The following LZTS1 variants were observed in gnomAD, a reference collection of about 807,000 sequenced individuals.
LZTS1 encodes leucine zipper tumor suppressor 1.
Under a neutral mutation model 45.8 loss-of-function variants are expected in LZTS1, and 31 were observed. The observed-to-expected ratio is 0.68, with a 90% CI of 0.51 to 0.91. The LOEUF (loss-of-function observed/expected upper bound fraction) is 0.91. LZTS1 is among the 40% of genes least tolerant of loss of function. LZTS1 has a pLI of 0.00. For missense variants in LZTS1, 821 were observed against 788.9 expected (o/e 1.04, Z -0.49); for synonymous variants, 359 against 357.3 (o/e 1.00, Z -0.05).
intron 1 of LZTS1, among the ~76,000 whole-genome samples, chr8:20,274,447 T>A (rs917172437): frequency 5.9e-5 from 9 of 152,116 alleles, no homozygotes; most frequent in Non-Finnish European, 1.3e-4. Flanking sequence ...ATAGCGGCAA[T>A]CATCTCCATC....
chr8:20,264,970 TTGTC>T (rs1208566783), intron 1 of LZTS1, among the ~76,000 whole-genome samples: 5 of 152,072 alleles, frequency 3.3e-5, no homozygotes, highest in African/African-American at 1.2e-4. Flanking sequence ...GTGTGTCAGT[TTGTC>T]TGATACAAAT....
At chr8:20,287,003 A>G (rs1446269871) in intron 1 of LZTS1, among the ~76,000 whole-genome samples, 1 of 152,216 alleles carries the variant, frequency 6.6e-6, no homozygotes, top group African/African-American at 2.4e-5. Context: ...GCTTCTATGT[A>G]TATGAAAAAT....
At chr8:20,270,272 C>T (rs1014525729) in intron 1 of LZTS1, among the ~76,000 whole-genome samples, 2 of 152,270 alleles carry the variant, frequency 1.3e-5, no homozygotes, top group Admixed American at 6.5e-5. Context: ...TTACATCGTT[C>T]TTCCACAACA....
intron 1 of LZTS1, among the ~76,000 whole-genome samples, chr8:20,266,799 A>T (rs571082644): frequency 1.3e-5 from 2 of 152,160 alleles, no homozygotes; most frequent in Non-Finnish European, 2.9e-5. Flanking sequence ...TTTCTTTTGT[A>T]GGAAAGGAGG....
intron 1 of LZTS1, among the ~76,000 whole-genome samples, chr8:20,287,090 TAA>T (rs1227153460): frequency 6.6e-6 from 1 of 152,246 alleles, no homozygotes; most frequent in Non-Finnish European, 1.5e-5. Flanking sequence ...ACATTGATTT[TAA>T]AAGATTATCA....
chr8:20,279,171 G>C (rs7817888), intron 1 of LZTS1, among the ~76,000 whole-genome samples: 5,227 of 152,268 alleles, frequency 0.034, 290 homozygotes, highest in African/African-American at 0.12. Context: ...TTTCTTTGCT[G>C]CCTTGTCTGT....
chr8:20,264,435 A>G (rs2128894879), intron 1 of LZTS1, among the ~76,000 whole-genome samples: 1 of 152,328 alleles, frequency 6.6e-6, no homozygotes, highest in East Asian at 1.9e-4. Flanking sequence ...ACTGTGCAGG[A>G]GAGACGACAT....
intron 3 of LZTS1, among the ~76,000 whole-genome samples, chr8:20,251,189 T>G (rs533362767): frequency 1.0e-4 from 15 of 143,376 alleles, no homozygotes; most frequent in African/African-American, 3.8e-4. Context: ...TCCCAACAGT[T>G]TAATCACTAT....
In LZTS1 at chr8:20,253,256, C is replaced by G; in HGVS notation, c.675G>C (p.Met225Ile). 1 of 1,614,130 alleles carries G rather than the reference C, an allele frequency of 6.2e-7. No homozygotes were observed. The highest frequency in any genetic ancestry group is 8.5e-7 in the Non-Finnish European group (1 of 1,180,042). ...QGIVLQDSNM[M>I]SLKALSFSDG... ...CGGAGAAGGACAGAGCCTTCAGGCTCATCATGTTGCTGTCCTGGAGGACGA... is the reference window on the plus strand; with the variant it reads ...CGGAGAAGGACAGAGCCTTCAGGCTGATCATGTTGCTGTCCTGGAGGACGA... Residue 225 changes from methionine to isoleucine, a missense_variant, in exon 3 of 4, where the codon ATG becomes ATC. Physicochemically the swap from Met to Ile is conservative, Grantham distance 10 (BLOSUM62 1). Coordinates refer to ENST00000381569, the MANE Select transcript of LZTS1 (RefSeq NM_021020.5).
At chr8:20,250,987 T>C (rs933338878) in intron 3 of LZTS1, among the ~76,000 whole-genome samples, 15 of 150,938 alleles carry the variant, frequency 9.9e-5, no homozygotes, top group African/African-American at 3.4e-4. Context: ...ATCTATTCCT[T>C]ACAACCCGAT....
At chr8:20,254,755 CT>C in intron 2 of LZTS1, 81 bp downstream of exon 2, 24 of 1,228,430 alleles carry the variant, frequency 2.0e-5, no homozygotes, top group Non-Finnish European at 2.6e-5. Flanking sequence ...ACCACTCCCC[CT>C]GAACCCCCAG....
intron 1 of LZTS1, among the ~76,000 whole-genome samples, chr8:20,296,404 G>T (rs1800979479): frequency 6.6e-6 from 1 of 152,200 alleles, no homozygotes; most frequent in Non-Finnish European, 1.5e-5. Context: ...CACCTAGACT[G>T]GCCCATCCTC....
intron 1 of LZTS1, among the ~76,000 whole-genome samples, chr8:20,267,210 C>A (rs1038540688): frequency 2.8e-5 from 4 of 142,674 alleles, no homozygotes; most frequent in African/African-American, 1.0e-4. Context: ...GCTGTCGGGT[C>A]CCCTGGTTTC....
Position 20,252,796 on chromosome 8 carries a change from C to T in LZTS1, c.1135G>A (p.Glu379Lys). 2.0e-6 allele frequency: 3 copies of T among 1,522,106 alleles called. No individual in the cohort carries two copies. The highest frequency in any genetic ancestry group is 2.6e-6 in the Non-Finnish European group (3 of 1,134,226). The allele number at this position is 1,522,106 out of a possible 1,614,324, so 94.3% of individuals were successfully genotyped here. ...EKTSFGPALE[E>K]TQWEVCQKSG... ...TGTGGCCTCACCTCCCACTGGGTCT[C>T]CTCCAGCGCGGGGCCGAAGCTGGTC... Residue 379 changes from glutamate to lysine, a missense_variant, in exon 3 of 4, where the codon GAG becomes AAG. Transcript: ENST00000381569.
At chr8:20,283,327 C>T (rs1800730388) in intron 1 of LZTS1, among the ~76,000 whole-genome samples, 2 of 152,102 alleles carry the variant, frequency 1.3e-5, no homozygotes, top group African/African-American at 4.8e-5. Context: ...TGAGTGTCCT[C>T]AGAGAACTAC....
intron 1 of LZTS1, among the ~76,000 whole-genome samples, chr8:20,300,431 C>T (rs1801055310): frequency 1.3e-5 from 2 of 151,942 alleles, no homozygotes; most frequent in Non-Finnish European, 2.9e-5. Flanking sequence ...CTCCCGGGTT[C>T]ACGCCATTCT....
At chr8:20,296,266 G>C (rs557964337) in intron 1 of LZTS1, among the ~76,000 whole-genome samples, 2 of 152,280 alleles carry the variant, frequency 1.3e-5, no homozygotes, top group South Asian at 4.1e-4. Context: ...AGGTTATTCT[G>C]TGAGGTCAGA....
At chr8:20,294,842 A>G (rs1159448840) in intron 1 of LZTS1, among the ~76,000 whole-genome samples, 1 of 151,924 alleles carries the variant, frequency 6.6e-6, no homozygotes, top group Non-Finnish European at 1.5e-5. Context: ...ACAGGTACCT[A>G]CAGACACCAG....
At chr8:20,272,853 A>G (rs1490433084) in intron 1 of LZTS1, among the ~76,000 whole-genome samples, 1 of 152,104 alleles carries the variant, frequency 6.6e-6, no homozygotes, top group Non-Finnish European at 1.5e-5. Context: ...CCAGTTTTCT[A>G]TTATTCTCTC....
Sources: allele counts gnomAD v4.1 joint callset (sites outside exome capture counted in the v4.1 genomes callset), GRCh38; gene constraint gnomAD v4.1.1; transcripts MANE v1.5; gene names NCBI Gene and HGNC (gene_info 2026-07-23, HGNC 2026-07-21).